Variants in ZMYND8 observed in about 807,000 individuals in gnomAD.
ZMYND8 encodes MYND-type zinc finger-containing chromatin reader ZMYND8.
In ZMYND8, 37 loss-of-function variants were observed where a neutral mutation model predicts 140.8. The ratio of observed to expected loss-of-function variants is 0.26; its 90% CI spans 0.20 to 0.35. The LOEUF is 0.35. ZMYND8 is among the 10% of genes least tolerant of loss of function. ZMYND8 has a pLI of 1.00. For synonymous variants in ZMYND8, 592 were observed against 597.1 expected (o/e 0.99, Z 0.12); for missense variants, 1,068 against 1,570.0 (o/e 0.68, Z 5.40).
intron 22 of ZMYND8, among the ~76,000 whole-genome samples, chr20:47,211,285 C>G (rs1452340018): frequency 6.6e-6 from 1 of 152,160 alleles, no homozygotes; most frequent in African/African-American, 2.4e-5. Flanking sequence ...TGGAGAAAGA[C>G]ACTGAAATTT....
chr20:47,258,887 CA>C (rs1257300238), intron 12 of ZMYND8, among the ~76,000 whole-genome samples: 1 of 152,134 alleles, frequency 6.6e-6, no homozygotes, highest in African/African-American at 2.4e-5. Context: ...TCCCAGCCCA[CA>C]AAACGCCCAC....
At position 47,294,527 on chromosome 20, in the gene ZMYND8, G is replaced by T. The variant is rs1601673958; in HGVS notation, c.567+139C>A. The stretch of plus-strand genomic sequence containing the variant: ...CTGAATGGCATCATACCTCATGTGT[G>T]ATTTACACATACTTGAATTTGGGGA... On this transcript the variant is annotated intron_variant, in intron 5 of 22. Coordinates refer to ENST00000471951, the MANE Select transcript of ZMYND8 (RefSeq NM_001281775.3). The T allele has an allele frequency of 6.9e-6, 5 of 725,186 alleles. No individual in the cohort carries two copies. The East Asian group carries it at 1.3e-4, about 19-fold the overall frequency. The allele number at this position is 725,186 out of a possible 1,614,324, so 44.9% of individuals were successfully genotyped here. A position where few individuals can be genotyped will look rare whatever the true frequency, so the allele number is the denominator to read the frequency against.
At chr20:47,345,850 G>T (rs1602139260) in intron 2 of ZMYND8, among the ~76,000 whole-genome samples, 1 of 147,672 alleles carries the variant, frequency 6.8e-6, no homozygotes, top group African/African-American at 2.5e-5. Context: ...GGAGGGGGGG[G>T]TCTCGTTAAG....
intron 5 of ZMYND8, 24 bp downstream of exon 5, chr20:47,294,642 T>C (rs1014546086): frequency 9.4e-6 from 15 of 1,598,862 alleles, no homozygotes; most frequent in Non-Finnish European, 1.2e-5. Flanking sequence ...TTTACGCGTA[T>C]ACCAAGAGGA....
chr20:47,217,871 C>T (rs559192927), intron 21 of ZMYND8, among the ~76,000 whole-genome samples: 3 of 149,254 alleles, frequency 2.0e-5, no homozygotes, highest in Admixed American at 1.3e-4. Flanking sequence ...TCCCCCTGCT[C>T]GCCCCCCTCT....
Position 47,336,864 on chromosome 20 carries a change from T to G in ZMYND8, c.85+10992A>C, listed in dbSNP as rs537580946. Among the ~76,000 whole-genome samples the G allele has an allele frequency of 9.2e-5, 14 of 152,242 alleles. No individual in the cohort carries two copies. In the South Asian group the frequency reaches 2.9e-3, roughly 32 times the overall value. On this transcript the variant is annotated intron_variant, in intron 2 of 22. Coordinates refer to ENST00000471951, the MANE Select transcript of ZMYND8 (RefSeq NM_001281775.3). ...TCAGATGGAGGCACCCTCCCCACTTTGGCACACTCTCCCATTCACCAAAGC... is the reference window on the plus strand; with the variant it reads ...TCAGATGGAGGCACCCTCCCCACTTGGGCACACTCTCCCATTCACCAAAGC...
chr20:47,225,230 C>T (rs2037515516), intron 18 of ZMYND8, among the ~76,000 whole-genome samples: 1 of 152,078 alleles, frequency 6.6e-6, no homozygotes, highest in African/African-American at 2.4e-5. Context: ...GTTAAGTCCA[C>T]TGGTAATTCA....
chr20:47,328,037 C>G (rs1260076330), intron 2 of ZMYND8, among the ~76,000 whole-genome samples: 3 of 152,110 alleles, frequency 2.0e-5, no homozygotes, highest in African/African-American at 7.2e-5. Flanking sequence ...GTCTTGAACT[C>G]CCGGGCTCCA....
At chr20:47,279,273 C>G (rs2076450238) in intron 10 of ZMYND8, among the ~76,000 whole-genome samples, 1 of 152,062 alleles carries the variant, frequency 6.6e-6, no homozygotes. Context: ...AGCTTGAGAC[C>G]AGTCTGGCCA....
intron 18 of ZMYND8, among the ~76,000 whole-genome samples, chr20:47,226,579 T>C (rs962593301): frequency 6.6e-6 from 1 of 152,194 alleles, no homozygotes; most frequent in African/African-American, 2.4e-5. Flanking sequence ...ACTGTGGCCG[T>C]GTGACTTTGA....
At chr20:47,301,945 G>A (rs531197643) in intron 3 of ZMYND8, among the ~76,000 whole-genome samples, 1 of 151,948 alleles carries the variant, frequency 6.6e-6, no homozygotes, top group African/African-American at 2.4e-5. Context: ...AAGATCTGAT[G>A]GTTTTATAAG....
At chr20:47,260,980 G>C (rs2075111184) in intron 12 of ZMYND8, among the ~76,000 whole-genome samples, 1 of 152,198 alleles carries the variant, frequency 6.6e-6, no homozygotes, top group African/African-American at 2.4e-5. Context: ...CCAGCATTTT[G>C]GGAGGCTGAG....
intron 2 of ZMYND8, among the ~76,000 whole-genome samples, chr20:47,310,623 T>G (rs754889277): frequency 1.6e-4 from 24 of 151,586 alleles, no homozygotes; most frequent in Non-Finnish European, 3.1e-4. Context: ...CCGTCTCTAC[T>G]AAGAGTACAA....
Position 47,246,180 on chromosome 20 carries a change from G to A in ZMYND8, c.2112C>T (p.His704=). The A allele has an allele frequency of 1.9e-6, 3 of 1,614,184 alleles. No homozygotes were observed. The highest frequency in any genetic ancestry group is 2.5e-6 in the Non-Finnish European group (3 of 1,180,046). ...DFSEKAKPSP[H]PIKDKLKGKD... Reference sequence around the variant, plus strand: ...TTCCCTTCAGTTTATCCTTTATGGGGTGAGGTGAAGGTTTTGCCTTTTCGG... The same window carrying A: ...TTCCCTTCAGTTTATCCTTTATGGGATGAGGTGAAGGTTTTGCCTTTTCGG... Residue 704 remains histidine, a synonymous_variant, in exon 14 of 23, where the codon CAC becomes CAT. Transcript: ENST00000471951.
At chr20:47,235,247 GA>G (rs2039072009) in intron 16 of ZMYND8, among the ~76,000 whole-genome samples, 1 of 152,170 alleles carries the variant, frequency 6.6e-6, no homozygotes, top group Non-Finnish European at 1.5e-5. Flanking sequence ...CCTTGGCAGT[GA>G]GCAAAACAGA....
At chr20:47,270,712 A>G (rs1156868884) in intron 11 of ZMYND8, among the ~76,000 whole-genome samples, 85 of 146,720 alleles carry the variant, frequency 5.8e-4, no homozygotes, top group Non-Finnish European at 4.1e-4. Flanking sequence ...AAAAAAAAAA[A>G]AAAAAAAGAA....
intron 15 of ZMYND8, among the ~76,000 whole-genome samples, chr20:47,237,021 C>T (rs954225371): frequency 6.6e-6 from 1 of 152,204 alleles, no homozygotes; most frequent in African/African-American, 2.4e-5. Flanking sequence ...AAGTTAATTT[C>T]AGCTTATGCT....
intron 16 of ZMYND8, 93 bp downstream of exon 16, chr20:47,236,233 G>A (rs1007810366): frequency 1.7e-5 from 26 of 1,497,940 alleles, no homozygotes; most frequent in African/African-American, 1.4e-4. Context: ...AAGACTGCAA[G>A]GTTAAGACGC....
At chr20:47,327,695 C>G (rs2080559564) in intron 2 of ZMYND8, among the ~76,000 whole-genome samples, 1 of 152,146 alleles carries the variant, frequency 6.6e-6, no homozygotes, top group South Asian at 2.1e-4. Flanking sequence ...ACATAGGGCC[C>G]CCTATTCCCA....
Sources: allele counts gnomAD v4.1 joint callset (sites outside exome capture counted in the v4.1 genomes callset), GRCh38; gene constraint gnomAD v4.1.1; transcripts MANE v1.5; gene names NCBI Gene and HGNC (gene_info 2026-07-23, HGNC 2026-07-21).